The following F13A1 variants were observed in gnomAD, a reference collection of about 807,000 sequenced individuals.
F13A1 encodes coagulation factor XIII A chain.
Under a neutral mutation model 80.1 loss-of-function variants are expected in F13A1, and 47 were observed. That is an observed-to-expected ratio of 0.59 (90% confidence interval 0.46 to 0.75). F13A1 has a LOEUF of 0.75. F13A1 is among the 30% of genes least tolerant of loss of function. F13A1 has a pLI of 0.00. For synonymous variants in F13A1, 349 were observed against 344.9 expected, an observed-to-expected ratio of 1.01 and a Z score of -0.13; for missense variants, 817 against 930.4, an observed-to-expected ratio of 0.88 and a Z score of 1.59.
chr6:6,295,551 A>C, intron 3 of F13A1, among the ~76,000 whole-genome samples: 1 of 146,058 alleles, frequency 6.8e-6, no homozygotes, highest in Non-Finnish European at 1.5e-5. Flanking sequence ...TTCTTTTGAG[A>C]AGTGTCTGTT....
chr6:6,283,137 C>T (rs1267866), intron 3 of F13A1, among the ~76,000 whole-genome samples: 2,317 of 152,276 alleles, frequency 0.015, 120 homozygotes, highest in East Asian at 0.13. Flanking sequence ...GTGAAAGATA[C>T]GTGACTTGAT....
chr6:6,278,739 C>G (rs571629707), intron 3 of F13A1, among the ~76,000 whole-genome samples: 1 of 151,936 alleles, frequency 6.6e-6, no homozygotes, highest in Non-Finnish European at 1.5e-5. Context: ...TTGTGGGAGA[C>G]GAGAAAGTTC....
chr6:6,183,108 T>C (rs995674513), intron 10 of F13A1, among the ~76,000 whole-genome samples: 5 of 152,202 alleles, frequency 3.3e-5, no homozygotes, highest in Non-Finnish European at 5.9e-5. Flanking sequence ...ACATATTTTA[T>C]AATCACTTTC....
chr6:6,265,895 G>T (rs1757836682), intron 4 of F13A1, among the ~76,000 whole-genome samples: 1 of 152,192 alleles, frequency 6.6e-6, no homozygotes, highest in Admixed American at 6.5e-5. Flanking sequence ...TGTTTACAGA[G>T]TAATAGTGTA....
chr6:6,303,120 AT>A (rs1561684955), intron 3 of F13A1, among the ~76,000 whole-genome samples: 2 of 152,306 alleles, frequency 1.3e-5, no homozygotes, highest in African/African-American at 4.8e-5. Context: ...ATTAACTCAT[AT>A]ACTGAAATCC....
chr6:6,209,351 A>ATTTTCT, intron 8 of F13A1, among the ~76,000 whole-genome samples: 1 of 151,884 alleles, frequency 6.6e-6, no homozygotes, highest in South Asian at 2.1e-4. Context: ...AGAAAATAAA[A>ATTTTCT]GTTATTTGCA....
chr6:6,264,717 C>A (rs1348837242), intron 4 of F13A1, among the ~76,000 whole-genome samples: 1 of 152,174 alleles, frequency 6.6e-6, no homozygotes, highest in East Asian at 1.9e-4. Context: ...TAACTCTGAT[C>A]CTCTCAGTAT....
At chr6:6,247,108 C>A (rs916401272) in intron 6 of F13A1, among the ~76,000 whole-genome samples, 2 of 152,202 alleles carry the variant, frequency 1.3e-5, no homozygotes, top group Admixed American at 6.5e-5. Context: ...ACTGCCTTTA[C>A]ATGTTGGTTT....
At chr6:6,199,373 C>T (rs1761351607) in intron 8 of F13A1, among the ~76,000 whole-genome samples, 2 of 151,960 alleles carry the variant, frequency 1.3e-5, no homozygotes, top group Admixed American at 6.6e-5. Context: ...ACCTGTAGTC[C>T]CAGCTACTCG....
chr6:6,158,885 G>A (rs954686075), intron 13 of F13A1, among the ~76,000 whole-genome samples: 1 of 151,076 alleles, frequency 6.6e-6, no homozygotes, highest in African/African-American at 2.4e-5. Context: ...TATCTCAAGT[G>A]GTTTCCCCTT....
intron 4 of F13A1, among the ~76,000 whole-genome samples, chr6:6,262,592 T>A (rs1315405623): frequency 6.6e-6 from 1 of 152,124 alleles, no homozygotes; most frequent in Non-Finnish European, 1.5e-5. Context: ...GGCATGTCCC[T>A]GTAATAAGTT....
intron 14 of F13A1, among the ~76,000 whole-genome samples, chr6:6,148,345 C>T (rs1452554962): frequency 2.0e-5 from 3 of 152,102 alleles, no homozygotes. Flanking sequence ...CTTCTTTGTT[C>T]CTGGCTCCAA....
intron 13 of F13A1, among the ~76,000 whole-genome samples, chr6:6,164,687 TTCC>T (rs1296530571): frequency 6.7e-6 from 1 of 148,340 alleles, no homozygotes; most frequent in Non-Finnish European, 1.5e-5. Flanking sequence ...CTCTTGTCCC[TTCC>T]TCTTCTCTTC....
At chr6:6,235,590 T>C (rs920021427) in intron 6 of F13A1, among the ~76,000 whole-genome samples, 1 of 151,962 alleles carries the variant, frequency 6.6e-6, no homozygotes, top group African/African-American at 2.4e-5. Context: ...CAAGGTAACA[T>C]TGGACATCTA....
intron 7 of F13A1, among the ~76,000 whole-genome samples, chr6:6,222,482 C>A (rs565101066): frequency 6.6e-6 from 1 of 152,194 alleles, no homozygotes; most frequent in East Asian, 1.9e-4. Flanking sequence ...TTATTTTAGT[C>A]CCATGAATGG....
intron 4 of F13A1, among the ~76,000 whole-genome samples, chr6:6,260,877 G>A (rs1404573268): frequency 6.6e-6 from 1 of 152,174 alleles, no homozygotes; most frequent in Non-Finnish European, 1.5e-5. Context: ...AGAAGGGGTG[G>A]TAAGGGAGAG....
chr6:6,172,363 G>A (rs1442163800), intron 12 of F13A1, among the ~76,000 whole-genome samples: 1 of 151,974 alleles, frequency 6.6e-6, no homozygotes, highest in Non-Finnish European at 1.5e-5. Context: ...CCTTTACACT[G>A]ACTATTCTTT....
chr6:6,200,036 T>C (rs145477054), intron 8 of F13A1, among the ~76,000 whole-genome samples: 69 of 152,300 alleles, frequency 4.5e-4, no homozygotes, highest in African/African-American at 1.5e-3. Flanking sequence ...AAGTCTGTGT[T>C]GGGACTGGTG....
intron 10 of F13A1, among the ~76,000 whole-genome samples, chr6:6,185,323 C>G (rs1381938290): frequency 1.4e-5 from 2 of 141,786 alleles, no homozygotes; most frequent in Non-Finnish European, 3.0e-5. Flanking sequence ...ATGATATTCC[C>G]CTTCCTGTGT....
Sources: allele counts gnomAD v4.1 joint callset (sites outside exome capture counted in the v4.1 genomes callset), GRCh38; gene constraint gnomAD v4.1.1; transcripts MANE v1.5; gene names NCBI Gene and HGNC (gene_info 2026-07-23, HGNC 2026-07-21).